The following ABCA13 variants were observed in gnomAD, a reference collection of about 807,000 sequenced individuals.
The protein encoded by ABCA13 is ATP binding cassette subfamily A member 13, also known as ATP-binding cassette sub-family A member 13.
In ABCA13, 476 loss-of-function variants were observed where a neutral mutation model predicts 478.7. The ratio of observed to expected loss-of-function variants is 0.99; its 90% CI spans 0.92 to 1.07. ABCA13 has a LOEUF of 1.07. ABCA13 is among the 50% of genes least tolerant of loss of function. ABCA13 has a pLI of 0.00. For synonymous variants in ABCA13, 2,252 were observed against 2,158.9 expected (o/e 1.04, Z -1.20); for missense variants, 6,060 against 5,910.6 (o/e 1.03, Z -0.83).
chr7:48,508,215 C>G (rs1270993322), intron 50 of ABCA13, among the ~76,000 whole-genome samples, 166 bp downstream of exon 50: 1 of 152,138 alleles, frequency 6.6e-6, no homozygotes, highest in Non-Finnish European at 1.5e-5. Context: ...CTTTACTGAT[C>G]ACCATAGAAT....
intron 1 of ABCA13, among the ~76,000 whole-genome samples, chr7:48,175,008 T>C (rs1794648115): frequency 6.6e-6 from 1 of 152,164 alleles, no homozygotes; most frequent in African/African-American, 2.4e-5. Context: ...CCTGGAGAAG[T>C]TTCTGGGTCA....
chr7:48,565,152 TAAATTATTAAGTGGG>T (rs1041583243), intron 55 of ABCA13, among the ~76,000 whole-genome samples: 1 of 150,768 alleles, frequency 6.6e-6, no homozygotes, highest in Non-Finnish European at 1.5e-5. Flanking sequence ...TTTCCTCCAA[TAAATTATTAAGTGGG>T]AAGATTGGCA....
intron 3 of ABCA13, among the ~76,000 whole-genome samples, chr7:48,201,355 T>C (rs972342562): frequency 6.6e-6 from 1 of 152,212 alleles, no homozygotes; most frequent in Non-Finnish European, 1.5e-5. Context: ...ACCTGTGGAA[T>C]GCTGCGGAGC....
chr7:48,172,865 C>G (rs1052408182), intron 1 of ABCA13, among the ~76,000 whole-genome samples: 1 of 133,220 alleles, frequency 7.5e-6, no homozygotes, highest in Non-Finnish European at 1.6e-5. Flanking sequence ...AGGAGTGAGA[C>G]AGTCTTCATT....
intron 27 of ABCA13, among the ~76,000 whole-genome samples, chr7:48,330,445 A>G (rs1312607106): frequency 6.7e-6 from 1 of 150,202 alleles, no homozygotes; most frequent in Non-Finnish European, 1.5e-5. Flanking sequence ...CCACACACCC[A>G]TCTATTCATC....
intron 48 of ABCA13, among the ~76,000 whole-genome samples, chr7:48,494,788 C>T (rs1830134423): frequency 6.6e-6 from 1 of 152,204 alleles, no homozygotes; most frequent in Admixed American, 6.5e-5. Flanking sequence ...AAAAACGGAG[C>T]TAGCTAAGAT....
At chr7:48,529,660 G>T (rs1833095258) in intron 55 of ABCA13, among the ~76,000 whole-genome samples, 1 of 152,154 alleles carries the variant, frequency 6.6e-6, no homozygotes, top group South Asian at 2.1e-4. Context: ...TGGATGTAGA[G>T]AAAGAACTGT....
chr7:48,522,664 G>A (rs1832634317), intron 53 of ABCA13, among the ~76,000 whole-genome samples: 1 of 152,226 alleles, frequency 6.6e-6, no homozygotes, highest in South Asian at 2.1e-4. Flanking sequence ...ATTGTTGTGA[G>A]TGGGTGGACC....
At chr7:48,363,424 A>G (rs1046110522) in intron 31 of ABCA13, among the ~76,000 whole-genome samples, 8 of 152,130 alleles carry the variant, frequency 5.3e-5, no homozygotes, top group African/African-American at 1.9e-4. Flanking sequence ...TTCATTGTTG[A>G]ACATTCTAGG....
intron 59 of ABCA13, among the ~76,000 whole-genome samples, chr7:48,638,356 T>C (rs1367242096): frequency 6.6e-6 from 1 of 152,146 alleles, no homozygotes; most frequent in East Asian, 1.9e-4. Flanking sequence ...GAGAGCAGTG[T>C]TTATGGAGTG....
chr7:48,338,786 T>G (rs1348749583), intron 29 of ABCA13, among the ~76,000 whole-genome samples: 1 of 152,188 alleles, frequency 6.6e-6, no homozygotes. Flanking sequence ...GAGTTAAAAG[T>G]AACTTGAAAG....
intron 37 of ABCA13, among the ~76,000 whole-genome samples, chr7:48,391,716 A>C (rs1304939478): frequency 6.6e-6 from 1 of 152,216 alleles, no homozygotes; most frequent in Non-Finnish European, 1.5e-5. Flanking sequence ...GTGGTAGCAT[A>C]ACATGTTAAA....
chr7:48,544,866 C>T (rs1196320312), intron 55 of ABCA13, among the ~76,000 whole-genome samples: 6 of 151,736 alleles, frequency 4.0e-5, no homozygotes, highest in Non-Finnish European at 8.8e-5. Flanking sequence ...ACTGAGCCCT[C>T]AACTTGTGGG....
chr7:48,442,917 G>T (rs1823823163), intron 42 of ABCA13, among the ~76,000 whole-genome samples: 1 of 152,198 alleles, frequency 6.6e-6, no homozygotes, highest in Non-Finnish European at 1.5e-5. Context: ...GGACTGAACT[G>T]TGTTCCCTGT....
chr7:48,200,966 C>T (rs1226658983), intron 3 of ABCA13, among the ~76,000 whole-genome samples: 1 of 149,286 alleles, frequency 6.7e-6, no homozygotes, highest in African/African-American at 2.5e-5. Flanking sequence ...ACCCCAAGTC[C>T]AGCGGAGACA....
intron 3 of ABCA13, among the ~76,000 whole-genome samples, chr7:48,199,989 G>T (rs546035156): frequency 6.6e-6 from 1 of 152,272 alleles, no homozygotes; most frequent in Non-Finnish European, 1.5e-5. Context: ...AACATCTAGC[G>T]CAATGCATGG....
rs781698267 is a variant in ABCA13, at chr7:48,275,886, A to C, written c.6220A>C (p.Arg2074=). The C allele has an allele frequency of 1.4e-5, 22 of 1,613,646 alleles. No homozygotes were observed. In the East Asian group the frequency reaches 4.9e-4, roughly 36 times the overall value. ...CATGAAAGACCTAACCCAAGATTTT[A>C]GAATCAGACACCTGCTTTCTGAAAT... ...QIMKDLTQDF[R]IRHLLSEMNK... The change falls in exon 17 of 62, where the codon AGA becomes CGA. Residue 2074 remains arginine (R), a synonymous_variant. Coordinates refer to ENST00000435803, the MANE Select transcript of ABCA13 (RefSeq NM_152701.5).
At chr7:48,597,156 T>C (rs1790380743) in intron 58 of ABCA13, among the ~76,000 whole-genome samples, 1 of 152,102 alleles carries the variant, frequency 6.6e-6, no homozygotes, top group Non-Finnish European at 1.5e-5. Context: ...TTCACCGTGT[T>C]AGCCAGGATG....
intron 3 of ABCA13, among the ~76,000 whole-genome samples, chr7:48,203,783 G>T (rs1352401321): frequency 6.6e-6 from 1 of 152,178 alleles, no homozygotes; most frequent in African/African-American, 2.4e-5. Context: ...CAACCTTCGG[G>T]AGGCGGATCG....
Sources: gnomAD v4.1 joint callset for allele counts (sites outside exome capture counted in the v4.1 genomes callset) on GRCh38, gnomAD v4.1.1 for gene constraint, MANE v1.5 for transcripts, NCBI Gene and HGNC (gene_info 2026-07-23, HGNC 2026-07-21) for gene names.